LGSN: variants seen among roughly 807,000 people sequenced by gnomAD.
LGSN encodes the protein lengsin.
Under a neutral mutation model 19.5 loss-of-function variants are expected in LGSN, and 21 were observed. The ratio of observed to expected loss-of-function variants is 1.07; its 90% CI spans 0.76 to 1.55. The LOEUF is 1.55. Ranked by LOEUF, LGSN falls within the 40% of genes most tolerant of loss-of-function variation. The pLI, the probability that LGSN is intolerant of heterozygous loss-of-function variation, is 0.00. For missense variants in LGSN, 673 were observed against 608.5 expected, an observed-to-expected ratio of 1.11 and a Z score of -1.12; for synonymous variants, 257 against 215.6, an observed-to-expected ratio of 1.19 and a Z score of -1.68.
intron 2 of LGSN, among the ~76,000 whole-genome samples, chr6:63,286,602 A>C (rs527358209): frequency 1.3e-4 from 20 of 152,308 alleles, no homozygotes; most frequent in African/African-American, 4.3e-4. Context: ...CAGACTTTTG[A>C]TTCATGCTGG....
chr6:63,447,022 C>T, the LGSN span, among the ~76,000 whole-genome samples: 1 of 152,146 alleles, frequency 6.6e-6, no homozygotes, highest in Non-Finnish European at 1.5e-5. Flanking sequence ...GCACTCCAGC[C>T]TGGGCAAAAG....
At chr6:63,329,251 C>A in the LGSN span, among the ~76,000 whole-genome samples, 1 of 152,182 alleles carries the variant, frequency 6.6e-6, no homozygotes, top group African/African-American at 2.4e-5. Context: ...GCAAGACCGT[C>A]CACATAAGTT....
chr6:63,305,622 T>C (rs75681780), intron 1 of LGSN, among the ~76,000 whole-genome samples: 4,958 of 152,302 alleles, frequency 0.033, 265 homozygotes, highest in African/African-American at 0.11. Flanking sequence ...GTACATCACT[T>C]TTCTTGTTCT....
chr6:63,395,971 G>C, the LGSN span: 1 of 154,102 alleles, frequency 6.5e-6, no homozygotes, highest in Non-Finnish European at 1.5e-5. Context: ...TGCAGGAGCT[G>C]TTGAGGACTG....
the LGSN span, among the ~76,000 whole-genome samples, chr6:63,352,214 C>T: frequency 1.3e-5 from 2 of 152,222 alleles, no homozygotes; most frequent in East Asian, 1.9e-4. Flanking sequence ...CAAAACAAAA[C>T]TTACAAGCTA....
the LGSN span, among the ~76,000 whole-genome samples, chr6:63,412,571 G>GAAAGAAAGAAAGA: frequency 3.0e-4 from 19 of 62,842 alleles, no homozygotes; most frequent in East Asian, 2.3e-3. Context: ...AGAAAGAAAG[G>GAAAGAAAGAAAGA]AAGGAAGGAA....
chr6:63,437,839 A>G, the LGSN span, among the ~76,000 whole-genome samples: 1 of 152,098 alleles, frequency 6.6e-6, no homozygotes, highest in African/African-American at 2.4e-5. Flanking sequence ...CTGAGGCAGG[A>G]GAATCCCTTG....
chr6:63,510,062 G>A, the LGSN span, among the ~76,000 whole-genome samples: 1 of 152,054 alleles, frequency 6.6e-6, no homozygotes, highest in Non-Finnish European at 1.5e-5. Context: ...TTAATATTGG[G>A]GCAAGTTTAT....
At chr6:63,448,827 G>C in the LGSN span, among the ~76,000 whole-genome samples, 2 of 150,016 alleles carry the variant, frequency 1.3e-5, no homozygotes, top group Non-Finnish European at 3.0e-5. Flanking sequence ...ACCAATCATG[G>C]ACCAAAAATA....
chr6:63,334,714 A>T, the LGSN span, among the ~76,000 whole-genome samples: 4 of 152,256 alleles, frequency 2.6e-5, no homozygotes, highest in African/African-American at 9.6e-5. Flanking sequence ...AAAATATATT[A>T]CAAGTGTATA....
chr6:63,496,563 T>C, the LGSN span, among the ~76,000 whole-genome samples: 1 of 150,694 alleles, frequency 6.6e-6, no homozygotes, highest in Non-Finnish European at 1.5e-5. Context: ...GGTTATAAAA[T>C]AGGCAACAGT....
chr6:63,425,783 G>T, the LGSN span, among the ~76,000 whole-genome samples: 1 of 151,646 alleles, frequency 6.6e-6, no homozygotes, highest in Non-Finnish European at 1.5e-5. Context: ...ACAAGCCTGG[G>T]CAACATAGTG....
chr6:63,330,218 G>C, the LGSN span, among the ~76,000 whole-genome samples: 1 of 152,210 alleles, frequency 6.6e-6, no homozygotes, highest in African/African-American at 2.4e-5. Flanking sequence ...AAGTGTCCTA[G>C]TAAACCACAC....
intron 2 of LGSN, among the ~76,000 whole-genome samples, chr6:63,288,869 C>A (rs980419814): frequency 1.3e-5 from 2 of 152,180 alleles, no homozygotes; most frequent in African/African-American, 4.8e-5. Flanking sequence ...CCTAAGTTAA[C>A]CTTAATTACC....
At chr6:63,458,448 T>C in the LGSN span, among the ~76,000 whole-genome samples, 1 of 152,216 alleles carries the variant, frequency 6.6e-6, no homozygotes, top group Non-Finnish European at 1.5e-5. Flanking sequence ...TTTTTTTCAC[T>C]TCAGTTTCTA....
chr6:63,457,238 G>T, the LGSN span, among the ~76,000 whole-genome samples: 50 of 152,256 alleles, frequency 3.3e-4, no homozygotes, highest in African/African-American at 1.2e-3. Flanking sequence ...GGGCGTGGTG[G>T]CTCACACCCG....
At chr6:63,513,658 C>T in the LGSN span, among the ~76,000 whole-genome samples, 62 of 152,116 alleles carry the variant, frequency 4.1e-4, 1 homozygote, top group Admixed American at 1.6e-3. Flanking sequence ...CACCTGTAAT[C>T]CCAGCACTTT....
the LGSN span, chr6:63,572,600 C>A: frequency 9.5e-6 from 4 of 418,890 alleles, no homozygotes; most frequent in Admixed American, 4.4e-5. Flanking sequence ...GCCGCCACCG[C>A]CGCTCCGCCA....
At chr6:63,522,862 CTTTT>C in the LGSN span, among the ~76,000 whole-genome samples, 10 of 126,378 alleles carry the variant, frequency 7.9e-5, no homozygotes, top group Admixed American at 1.7e-4. Context: ...GACTAAATCA[CTTTT>C]TTTTTTTTTT....
Sources: allele counts gnomAD v4.1 joint callset (sites outside exome capture counted in the v4.1 genomes callset), GRCh38; gene constraint gnomAD v4.1.1; transcripts MANE v1.5; gene names NCBI Gene and HGNC (gene_info 2026-07-23, HGNC 2026-07-21).